PTGES2: variants seen among roughly 807,000 people sequenced by gnomAD.
PTGES2 encodes the protein GATE-binding factor 1.
PTGES2 carries 35 observed loss-of-function variants against 44.5 expected under a neutral mutation model. The observed-to-expected ratio is 0.79, with a 90% CI of 0.60 to 1.04. The LOEUF (loss-of-function observed/expected upper bound fraction) is 1.04. Among genes scored for constraint, PTGES2 ranks in the 50% least tolerant of loss-of-function variants. PTGES2 has a pLI of 0.00. For missense variants in PTGES2, 517 were observed against 521.4 expected, an observed-to-expected ratio of 0.99 and a Z score of 0.08; for synonymous variants, 221 against 227.5, an observed-to-expected ratio of 0.97 and a Z score of 0.26.
At position 128,123,285 on chromosome 9, in the gene PTGES2, C is replaced by T. The variant is rs1834495723; in HGVS notation, c.687-151G>A. The T allele has an allele frequency of 2.8e-6, 2 of 724,952 alleles. No homozygotes were observed. Among genetic ancestry groups the T allele is most frequent in the Non-Finnish European group, 4.4e-6 (2 of 449,858 alleles). The allele number at this position is 724,952 out of a possible 1,614,324, so 44.9% of individuals were successfully genotyped here. A position where few individuals can be genotyped will look rare whatever the true frequency, so the allele number is the denominator to read the frequency against. ...TTTTTGAGACAAAGTCTCGCTCTGT[C>T]ACCCAGGCTGGAGTGCAATGGCACC... On this transcript the variant is annotated intron_variant, in intron 4 of 6. Transcript: ENST00000338961. The surrounding 1 kb of genome is among the most constrained non-coding windows in gnomAD (Gnocchi z 4.4).
At chr9:128,122,860 T>G (rs1473920693) in intron 5 of PTGES2, 74 bp downstream of exon 5, 11 of 1,498,238 alleles carry the variant, frequency 7.3e-6, no homozygotes, top group Non-Finnish European at 9.3e-6. Flanking sequence ...TCCTGAGGGG[T>G]GTGATGGGAT....
At chr9:128,127,891 G>C (rs778191412), upstream of PTGES2, 5 of 561,334 alleles carry the variant, frequency 8.9e-6, no homozygotes, top group Non-Finnish European at 7.9e-6. Context: ...AGTTCGAAAC[G>C]CCCGCCAGAG....
intron 6 of PTGES2, among the ~76,000 whole-genome samples, chr9:128,121,640 C>T (rs557290595): frequency 6.6e-6 from 1 of 152,160 alleles, no homozygotes; most frequent in Non-Finnish European, 1.5e-5. Flanking sequence ...GGGCCAGGCA[C>T]GCTGGCTCAC....
intron 2 of PTGES2, 47 bp from the exon 3 acceptor site, chr9:128,124,597 T>C (rs1474322938): frequency 6.3e-7 from 1 of 1,577,492 alleles, no homozygotes. Flanking sequence ...ACCCAGCCGC[T>C]GGGAGTCACC....
chr9:128,128,207 C>G (rs947833460), upstream of PTGES2: 2 of 401,550 alleles, frequency 5.0e-6, no homozygotes, highest in African/African-American at 2.1e-5. Flanking sequence ...GCCTCATTGT[C>G]CGCTTCCTAC....
chr9:128,127,434 CT>C lies in PTGES2; in HGVS notation c.279+4del. Reference sequence around the variant, plus strand: ...ATCCCCATCCCCGGCCGGGCCAGGCCTTACCTGCGCGGCTGAGCGCTCTGCG... The same window carrying C: ...ATCCCCATCCCCGGCCGGGCCAGGCCTACCTGCGCGGCTGAGCGCTCTGCG... On this transcript the variant is annotated splice_donor_region_variant and intron_variant, in intron 1 of 6. Transcript: ENST00000338961. The C allele has an allele frequency of 7.3e-7, 1 of 1,366,852 alleles. No homozygotes were observed. Among genetic ancestry groups the C allele is most frequent in the South Asian group, 1.9e-5 (1 of 53,658 alleles). The allele number at this position is 1,366,852 out of a possible 1,614,324, so 84.7% of individuals were successfully genotyped here.
chr9:128,128,255 G>C (rs1021757972), upstream of PTGES2: 1 of 454,098 alleles, frequency 2.2e-6, no homozygotes, highest in Non-Finnish European at 4.4e-6. Flanking sequence ...AACCCGAAGG[G>C]GCCTTGGAAA....
upstream of PTGES2, chr9:128,127,746 G>T: frequency 8.0e-7 from 1 of 1,250,864 alleles, no homozygotes; most frequent in Non-Finnish European, 1.0e-6. Context: ...GCGGGCGGGC[G>T]CGCGAAACGA....
upstream of PTGES2, chr9:128,128,411 C>T: frequency 2.2e-6 from 1 of 452,102 alleles, no homozygotes; most frequent in African/African-American, 2.0e-5. Flanking sequence ...GCCTCCACCG[C>T]ATAGGCGTCT....
intron 3 of PTGES2, chr9:128,124,240 T>C (rs921986756): frequency 5.0e-6 from 2 of 402,794 alleles, no homozygotes; most frequent in Middle Eastern, 7.5e-4. Flanking sequence ...CTCGCCACTA[T>C]GCCTGGCTAA....
At position 128,127,634 on chromosome 9, in the gene PTGES2, C is replaced by G; in HGVS notation, c.84G>C (p.Pro28=). The change falls in exon 1 of 7, where the codon CCG becomes CCC. Residue 28 remains proline (P), a synonymous_variant. Coordinates refer to ENST00000338961, the MANE Select transcript of PTGES2 (RefSeq NM_025072.7). ...LAWRLGGRPQ[P]LLPTQSRAGF... ...CAGCCCGGCTCTGCGTGGGTAGCAG[C>G]GGCTGGGGGCGGCCTCCCAGCCTCC... is the stretch of plus-strand genomic sequence containing the variant. The G allele has an allele frequency of 7.9e-7, 1 of 1,268,004 alleles. No homozygotes were observed. Among genetic ancestry groups the G allele is most frequent in the East Asian group, 3.2e-5 (1 of 31,650 alleles). 78.5% of individuals were successfully genotyped at this position (1,268,004 alleles called of 1,614,324 possible). A position where few individuals can be genotyped will look rare whatever the true frequency, so the allele number is the denominator to read the frequency against.
rs1291955599 is a variant in PTGES2, at chr9:128,123,078, G to T, written c.743C>A (p.Pro248His). ...ADDWLVHLIS[P>H]NVYRTPTEAL... ...CTCGGTGGGCGTGCGGTACACATTG[G>T]GGGAGATCAGGTGCACCAGCCAGTC... Residue 248 changes from proline to histidine, a missense_variant, in exon 5 of 7, where the codon CCC becomes CAC. By Grantham distance (77) the Pro-to-His change is moderately conservative. Coordinates refer to ENST00000338961, the MANE Select transcript of PTGES2 (RefSeq NM_025072.7). The surrounding 1 kb of genome is among the most constrained non-coding windows in gnomAD (Gnocchi z 4.4). 2 of 1,612,258 alleles carry T rather than the reference G, an allele frequency of 1.2e-6. No homozygotes were observed. The highest frequency in any genetic ancestry group is 1.3e-5 in the African/African-American group (1 of 74,800).
At chr9:128,126,656 C>T (rs1276321639) in intron 1 of PTGES2, among the ~76,000 whole-genome samples, 10 of 151,820 alleles carry the variant, frequency 6.6e-5, no homozygotes, top group Admixed American at 2.6e-4. Context: ...GTCAGGAGTT[C>T]GAGACCAGCT....
At position 128,122,478 on chromosome 9, in the gene PTGES2, G is replaced by T; in HGVS notation, c.889C>A (p.His297Asn). The T allele has an allele frequency of 6.2e-7, 1 of 1,613,248 alleles. No individual in the cohort carries two copies. The highest frequency in any genetic ancestry group is 8.5e-7 in the Non-Finnish European group (1 of 1,179,376). ...TCGCGCACGTTGTCCTGGAGGCGGT[G>T]CCTGGGCGGGGAAGGGAAAAGCCCC... is the stretch of plus-strand genomic sequence containing the variant. ...YLISKRLKSR[H>N]RLQDNVREDL... The change falls in exon 6 of 7, where the codon CAC becomes AAC. Residue 297 changes from histidine (H) to asparagine (N), a missense_variant and splice_region_variant. Physicochemically the swap from His to Asn is moderately conservative, Grantham distance 68. Transcript: ENST00000338961.
At chr9:128,122,525 G>T in intron 5 of PTGES2, 46 bp from the exon 6 acceptor site, 2 of 1,533,368 alleles carry the variant, frequency 1.3e-6, no homozygotes, top group Non-Finnish European at 1.8e-6. Context: ...CCCACTCCCA[G>T]CCCAGCAGGG....
rs1427849275 is a variant in PTGES2 at position 128,123,526 on chromosome 9, G to T, written c.686+176C>A. Among the ~76,000 whole-genome samples, 2 of 152,160 alleles carry T rather than the reference G, an allele frequency of 1.3e-5. No individual in the cohort carries two copies. Among genetic ancestry groups the T allele is most frequent in the African/African-American group, 4.8e-5 (2 of 41,428 alleles). ...CTCCCAACAGGCTGGGATTACAGGA[G>T]TGAGCCACCACGCCCGGCTGCAGGA... On this transcript the variant is annotated intron_variant, in intron 4 of 6. Coordinates refer to ENST00000338961, the MANE Select transcript of PTGES2 (RefSeq NM_025072.7). The surrounding 1 kb of genome is among the most constrained non-coding windows in gnomAD (Gnocchi z 4.4).
At chr9:128,126,129 G>C (rs1386821195) in intron 1 of PTGES2, among the ~76,000 whole-genome samples, 1 of 152,228 alleles carries the variant, frequency 6.6e-6, no homozygotes, top group Non-Finnish European at 1.5e-5. Flanking sequence ...CGTTCATGCC[G>C]GGAAGCCACA....
In PTGES2 at chr9:128,127,482, TGCCACCGC is replaced by T; in HGVS notation, c.228_235del (p.Arg77ProfsTer60). 7.1e-7 allele frequency: 1 copy of T among 1,401,940 alleles called. No individual in the cohort carries two copies. Among genetic ancestry groups the T allele is most frequent in the Non-Finnish European group, 9.3e-7 (1 of 1,073,870 alleles). The allele number at this position is 1,401,940 out of a possible 1,614,324, so 86.8% of individuals were successfully genotyped here. A position where few individuals can be genotyped will look rare whatever the true frequency, so the allele number is the denominator to read the frequency against. On this transcript the variant is annotated frameshift_variant, in exon 1 of 7. Transcript: ENST00000338961. LOFTEE classifies it high-confidence loss of function. ...TGCGTGGAGGTCCTGGGCGCGCAGG[TGCCACCGC>T]GCCGTGTGGTACAGCCCCAGGGCTC...
rs1588070114 is a variant in PTGES2 at position 128,123,212 on chromosome 9, A to G, written c.687-78T>C. The G allele has an allele frequency of 1.5e-6, 2 of 1,351,502 alleles. No individual in the cohort carries two copies. The highest frequency in any genetic ancestry group is 2.4e-5 in the East Asian group (1 of 41,388). 83.7% of individuals were successfully genotyped at this position (1,351,502 alleles called of 1,614,324 possible). A position where few individuals can be genotyped will look rare whatever the true frequency, so the allele number is the denominator to read the frequency against. On this transcript the variant is annotated intron_variant, in intron 4 of 6. Coordinates refer to ENST00000338961, the MANE Select transcript of PTGES2 (RefSeq NM_025072.7). This position sits in a 1 kb window ranked among gnomAD's most constrained non-coding sequence, Gnocchi z 4.4. ...AGGCTGCATTCTCTAGAACATACCCACTGCACGGGCGGGAAGCTGAAGCCT... is the reference window on the plus strand; with the variant it reads ...AGGCTGCATTCTCTAGAACATACCCGCTGCACGGGCGGGAAGCTGAAGCCT...
Sources: gnomAD v4.1 joint callset for allele counts (sites outside exome capture counted in the v4.1 genomes callset) on GRCh38, gnomAD v4.1.1 for gene constraint, Gnocchi (gnomAD v3.1) non-coding constraint, MANE v1.5 for transcripts, NCBI Gene and HGNC (gene_info 2026-07-23, HGNC 2026-07-21) for gene names.